TTLL10: variants seen among roughly 807,000 people sequenced by gnomAD.
The protein encoded by TTLL10 is tubulin tyrosine ligase like 10, also known as inactive polyglycylase TTLL10.
In TTLL10, 61 loss-of-function variants were observed where a neutral mutation model predicts 69.0. The observed-to-expected ratio is 0.88, with a 90% CI of 0.72 to 1.09. TTLL10 has a LOEUF of 1.09. TTLL10 is among the 50% of genes least tolerant of loss of function. TTLL10 has a pLI of 0.00. For missense variants in TTLL10, 962 were observed against 945.9 expected, an observed-to-expected ratio of 1.02 and a Z score of -0.22; for synonymous variants, 408 against 393.3, an observed-to-expected ratio of 1.04 and a Z score of -0.44.
At chr1:1,179,452 T>C (rs1646973116) in intron 4 of TTLL10, 119 bp downstream of exon 4, 6 of 1,236,062 alleles carry the variant, frequency 4.9e-6, no homozygotes, top group South Asian at 4.0e-5. Context: ...GATCCACACA[T>C]GGCCATGCCC....
intron 5 of TTLL10, 89 bp downstream of exon 5, chr1:1,179,826 G>A: frequency 1.4e-6 from 2 of 1,467,910 alleles, no homozygotes; most frequent in Middle Eastern, 2.2e-4. Flanking sequence ...GCCTGGCCCT[G>A]GAGGGTGGTC....
At chr1:1,179,069 G>A (rs746913161) in intron 3 of TTLL10, 120 bp from the exon 4 acceptor site, 19 of 651,198 alleles carry the variant, frequency 2.9e-5, no homozygotes, top group East Asian at 1.2e-4. Context: ...TCAAGCCCAC[G>A]GCCCTGGGAG....
intron 13 of TTLL10, among the ~76,000 whole-genome samples, chr1:1,194,206 A>C (rs1648037642): frequency 6.6e-6 from 1 of 152,230 alleles, no homozygotes; most frequent in African/African-American, 2.4e-5. Context: ...ATTAATACCA[A>C]GTTAATTTCA....
chr1:1,192,368 T>C (rs1040620529), intron 13 of TTLL10, among the ~76,000 whole-genome samples: 4 of 152,250 alleles, frequency 2.6e-5, no homozygotes, highest in African/African-American at 9.6e-5. Context: ...GTGATATGAG[T>C]GTAGACACTC....
chr1:1,180,564 G>C lies in TTLL10; in HGVS notation c.588G>C (p.Glu196Asp), dbSNP rs1225444950. The change falls in exon 7 of 16, where the codon GAG becomes GAC. Residue 196 changes from glutamate to aspartate, a missense_variant. Transcript: ENST00000379289. ...ACGACTACACGCTGAAGTGGTGTGAGGTCAAGAGCCGAGACAGCTACGGCA... is the reference window on the plus strand; with the variant it reads ...ACGACTACACGCTGAAGTGGTGTGACGTCAAGAGCCGAGACAGCTACGGCA... Reference protein sequence around the residue: ...RRDDYTLKWCEVKSRDSYGSF... With the variant: ...RRDDYTLKWCDVKSRDSYGSF... The C allele has an allele frequency of 1.3e-6, 2 of 1,552,134 alleles. No individual in the cohort carries two copies. Among genetic ancestry groups the C allele is most frequent in the Non-Finnish European group, 8.7e-7 (1 of 1,147,472 alleles).
chr1:1,178,734 C>T (rs536362923), intron 3 of TTLL10, among the ~76,000 whole-genome samples: 17 of 152,200 alleles, frequency 1.1e-4, no homozygotes, highest in African/African-American at 3.4e-4. Flanking sequence ...CAGGGGCGGC[C>T]GCAGAGGAAC....
intron 10 of TTLL10, 100 bp from the exon 11 acceptor site, chr1:1,182,775 GC>G (rs1647112245): frequency 1.4e-6 from 2 of 1,440,728 alleles, no homozygotes. Flanking sequence ...GAATGGCCGG[GC>G]CGAGGGTCGC....
rs1018512426 is a variant in TTLL10 at position 1,197,690 on chromosome 1, C to T, written c.1865C>T (p.Pro622Leu). 23 of 1,510,220 alleles carry T rather than the reference C, an allele frequency of 1.5e-5. No individual in the cohort carries two copies. The Admixed American group carries it at 4.4e-4, about 29-fold the overall frequency. 93.6% of individuals were successfully genotyped at this position (1,510,220 alleles called of 1,614,324 possible). A position where few individuals can be genotyped will look rare whatever the true frequency, so the allele number is the denominator to read the frequency against. The part of the protein sequence containing the change: ...PAPPPLVPQR[P>L]RPPGPDLDSA... ...CCACCTCCCTTGGTGCCGCAGCGTC[C>T]CCGGCCACCCGGCCCCGACCTGGAC... Residue 622 changes from proline (P) to leucine (L), a missense_variant, in exon 16 of 16, where the codon CCC becomes CTC. Coordinates refer to ENST00000379289, the MANE Select transcript of TTLL10 (RefSeq NM_001130045.2).
chr1:1,194,457 C>T (rs936527832), intron 13 of TTLL10, among the ~76,000 whole-genome samples: 1 of 152,138 alleles, frequency 6.6e-6, no homozygotes, highest in African/African-American at 2.4e-5. Flanking sequence ...CTCTTTATTT[C>T]CTCCTGTGAG....
At chr1:1,189,981 G>A (rs1000346850) in intron 13 of TTLL10, among the ~76,000 whole-genome samples, 9 of 151,746 alleles carry the variant, frequency 5.9e-5, no homozygotes, top group Admixed American at 3.3e-4. Context: ...GCGTGGTGGC[G>A]GGCACCTGTA....
At chr1:1,180,364 G>A (rs770431530) in intron 6 of TTLL10, 24 bp downstream of exon 6, 36 of 1,545,668 alleles carry the variant, frequency 2.3e-5, no homozygotes, top group South Asian at 7.2e-5. Flanking sequence ...CTGGGCGCCC[G>A]TGGTCCCACT....
Position 1,185,450 on chromosome 1 carries a change from C to T in TTLL10, c.1401+341C>T. 1 of 1,103,886 alleles carries T rather than the reference C, an allele frequency of 9.1e-7. No homozygotes were observed. Among genetic ancestry groups the T allele is most frequent in the Non-Finnish European group, 1.1e-6 (1 of 906,066 alleles). The allele number at this position is 1,103,886 out of a possible 1,614,324, so 68.4% of individuals were successfully genotyped here. A position where few individuals can be genotyped will look rare whatever the true frequency, so the allele number is the denominator to read the frequency against. On this transcript the variant is annotated intron_variant, in intron 13 of 15. Transcript: ENST00000379289. This position sits in a 1 kb window ranked among gnomAD's most constrained non-coding sequence, Gnocchi z 6.1. ...CCTTTCAGATCCTCCACTTGGCAGG[C>T]AGGGCCAACAGCAGCCCCCGGGCCA...
intron 10 of TTLL10, 127 bp from the exon 11 acceptor site, chr1:1,182,725 AGCTGGGGCCAGGCGTGTGGTTAGC>A: frequency 8.6e-7 from 1 of 1,168,402 alleles, no homozygotes; most frequent in Admixed American, 2.8e-5. Flanking sequence ...CACGGGCAGG[AGCTGGGGCCAGGCGTGTGGTTAGC>A]GCAGGGCCAA....
chr1:1,180,817 G>A lies in TTLL10; in HGVS notation c.712G>A (p.Ala238Thr). 1.9e-6 allele frequency: 3 copies of A among 1,599,906 alleles called. No homozygotes were observed. Among genetic ancestry groups the A allele is most frequent in the Non-Finnish European group, 2.6e-6 (3 of 1,174,222 alleles). ...CAGCACCCTTCGGGGACGGGCACGG[G>A]CCATGAGCAAGGCCAGCAAGGTGCC... ...LLSTLRGRARAMSKASKVPGG... is the reference protein window; with the variant it reads ...LLSTLRGRARTMSKASKVPGG... Residue 238 changes from alanine to threonine, a missense_variant, in exon 8 of 16, where the codon GCC becomes ACC. By Grantham distance (58) the Ala-to-Thr change is moderately conservative. Transcript: ENST00000379289.
intron 13 of TTLL10, among the ~76,000 whole-genome samples, chr1:1,195,500 C>CTTTTT (rs1168016636): frequency 4.4e-4 from 43 of 98,780 alleles, no homozygotes; most frequent in African/African-American, 1.5e-3. Flanking sequence ...CATCGTCATA[C>CTTTTT]TTTTTTTTTT....
rs561235319 is a variant in TTLL10 at position 1,183,185 on chromosome 1, G to C, written c.1088+138G>C. The C allele has an allele frequency of 3.6e-6, 4 of 1,110,108 alleles. No individual in the cohort carries two copies. The African/African-American group carries it at 4.8e-5, about 13-fold the overall frequency. 68.8% of individuals were successfully genotyped at this position (1,110,108 alleles called of 1,614,324 possible). On this transcript the variant is annotated intron_variant, in intron 11 of 15. Coordinates refer to ENST00000379289, the MANE Select transcript of TTLL10 (RefSeq NM_001130045.2). ...ACCAGCCCCTGTGCAGACCACAGCC[G>C]GGCCCCCGTGTAGCCAGCAGAGGGG... is the stretch of plus-strand genomic sequence containing the variant.
intron 3 of TTLL10, among the ~76,000 whole-genome samples, chr1:1,177,068 G>A (rs902914047): frequency 2.6e-5 from 4 of 151,722 alleles, no homozygotes; most frequent in African/African-American, 4.9e-5. Flanking sequence ...GTCTGTGTGT[G>A]TGTGTGGGTG....
rs1272943790 is a variant in TTLL10 at position 1,185,177 on chromosome 1, G to A, written c.1401+68G>A. 1 of 1,579,718 alleles carries A rather than the reference G, an allele frequency of 6.3e-7. No individual in the cohort carries two copies. The highest frequency in any genetic ancestry group is 2.3e-5 in the East Asian group (1 of 44,280). Reference sequence around the variant, plus strand: ...GGGCGGGGGTGTGTGGTCAGGCTGGGCACCAGGCACACAGATGTCCGTGGC... The same window carrying A: ...GGGCGGGGGTGTGTGGTCAGGCTGGACACCAGGCACACAGATGTCCGTGGC... On this transcript the variant is annotated intron_variant, in intron 13 of 15. Transcript: ENST00000379289. The surrounding 1 kb of genome is among the most constrained non-coding windows in gnomAD (Gnocchi z 6.1).
At chr1:1,196,845 C>A in intron 14 of TTLL10, 129 bp downstream of exon 14, 1 of 797,886 alleles carries the variant, frequency 1.3e-6, no homozygotes, top group Non-Finnish European at 2.1e-6. Context: ...TGCATGCAGC[C>A]CTGGGGATGG....
Sources: gnomAD v4.1 joint callset for allele counts (sites outside exome capture counted in the v4.1 genomes callset) on GRCh38, gnomAD v4.1.1 for gene constraint, Gnocchi (gnomAD v3.1) non-coding constraint, MANE v1.5 for transcripts, NCBI Gene and HGNC (gene_info 2026-07-23, HGNC 2026-07-21) for gene names.